Variants in NSMCE2 observed in about 807,000 individuals in gnomAD.
NSMCE2 encodes E3 SUMO-protein ligase NSE2.
Under a neutral mutation model 23.8 loss-of-function variants are expected in NSMCE2, and 24 were observed. That is an observed-to-expected ratio of 1.01 (90% CI 0.73 to 1.42). The LOEUF (loss-of-function observed/expected upper bound fraction) is 1.42. Ranked by LOEUF, NSMCE2 falls within the 40% of genes most tolerant of loss-of-function variation. NSMCE2 has a pLI of 0.00. For synonymous variants in NSMCE2, 92 were observed against 94.1 expected (o/e 0.98, Z 0.13); for missense variants, 284 against 296.5 (o/e 0.96, Z 0.31).
At chr8:125,257,459 T>G (rs1826483710) in intron 5 of NSMCE2, among the ~76,000 whole-genome samples, 1 of 150,216 alleles carries the variant, frequency 6.7e-6, no homozygotes, top group Admixed American at 6.7e-5. Context: ...GTCAGTCCAG[T>G]AAGATAAGGA....
At chr8:125,318,063 C>T (rs1015196290) in intron 5 of NSMCE2, among the ~76,000 whole-genome samples, 2 of 152,064 alleles carry the variant, frequency 1.3e-5, no homozygotes, top group African/African-American at 4.8e-5. Context: ...TCAGAAAAAG[C>T]AGTACCAATC....
chr8:125,336,648 A>C lies in NSMCE2; in HGVS notation c.419-20571A>C, dbSNP rs1358834089. 3.3e-5 allele frequency among the ~76,000 whole-genome samples: 5 copies of C among 152,380 alleles called. No individual in the cohort carries two copies. In the East Asian group the frequency reaches 5.8e-4, roughly 18 times the overall value. ...AGGAAATTCACATGGTTGGGTTCAC[A>C]GTTTCATCTGCCATGTGTGGCATTT... On this transcript the variant is annotated intron_variant, in intron 5 of 7. Transcript: ENST00000287437.
intron 5 of NSMCE2, among the ~76,000 whole-genome samples, chr8:125,223,571 G>A (rs1487466639): frequency 6.6e-6 from 1 of 152,120 alleles, no homozygotes; most frequent in African/African-American, 2.4e-5. Context: ...CATAATAGCT[G>A]TAGTAATTTA....
chr8:125,358,846 G>T (rs1328441976), intron 7 of NSMCE2, among the ~76,000 whole-genome samples: 1 of 152,168 alleles, frequency 6.6e-6, no homozygotes, highest in Admixed American at 6.5e-5. Context: ...TATCTTGATG[G>T]TCATTCAGGC....
chr8:125,196,549 G>A (rs76198296), intron 5 of NSMCE2, among the ~76,000 whole-genome samples: 1 of 152,160 alleles, frequency 6.6e-6, no homozygotes, highest in African/African-American at 2.4e-5. Flanking sequence ...TTTTATGGCT[G>A]CATAGTATTC....
chr8:125,232,506 A>G (rs78473263), intron 5 of NSMCE2, among the ~76,000 whole-genome samples: 3,284 of 152,324 alleles, frequency 0.022, 126 homozygotes, highest in African/African-American at 0.075. Context: ...TAAAGGTGAC[A>G]CATTTATTAC....
chr8:125,207,820 G>A (rs1824173760), intron 5 of NSMCE2, among the ~76,000 whole-genome samples: 1 of 152,192 alleles, frequency 6.6e-6, no homozygotes, highest in African/African-American at 2.4e-5. Context: ...TGTGGTTGCA[G>A]CCTCCAGCAG....
intron 7 of NSMCE2, among the ~76,000 whole-genome samples, chr8:125,363,580 G>A (rs1399249215): frequency 4.3e-5 from 6 of 138,402 alleles, no homozygotes; most frequent in African/African-American, 1.3e-4. Context: ...GGGGGAGGAG[G>A]GAGGGAGGGA....
At chr8:125,141,477 A>C (rs1003299360) in intron 3 of NSMCE2, among the ~76,000 whole-genome samples, 1 of 152,206 alleles carries the variant, frequency 6.6e-6, no homozygotes, top group African/African-American at 2.4e-5. Context: ...CATCTGGGGC[A>C]AATGATTTAG....
rs534696643 is a variant in NSMCE2 at position 125,226,076 on chromosome 8, G to A, written c.418+43820G>A. 3.3e-5 allele frequency among the ~76,000 whole-genome samples: 5 copies of A among 152,194 alleles called. No individual in the cohort carries two copies. In the South Asian group the frequency reaches 1.0e-3, roughly 32 times the overall value. ...AACCTTTATGTCTGTTTGCAAAAAA[G>A]AATACATACAATTTTCTTCACAAAA... On this transcript the variant is annotated intron_variant, in intron 5 of 7. Coordinates refer to ENST00000287437, the MANE Select transcript of NSMCE2 (RefSeq NM_173685.4).
chr8:125,186,925 T>C (rs1195377469), intron 5 of NSMCE2, among the ~76,000 whole-genome samples: 3 of 152,252 alleles, frequency 2.0e-5, no homozygotes, highest in African/African-American at 7.2e-5. Flanking sequence ...TTATGTCTTA[T>C]AGATATTACT....
intron 5 of NSMCE2, among the ~76,000 whole-genome samples, chr8:125,332,457 C>T (rs570336611): frequency 1.2e-4 from 18 of 152,266 alleles, no homozygotes; most frequent in Non-Finnish European, 2.2e-4. Flanking sequence ...TAATATAGTA[C>T]TCGCATCAGA....
At chr8:125,094,983 C>T (rs917913451) in intron 1 of NSMCE2, among the ~76,000 whole-genome samples, 2 of 152,204 alleles carry the variant, frequency 1.3e-5, no homozygotes, top group Non-Finnish European at 2.9e-5. Flanking sequence ...TCCTGAGGAG[C>T]TGGGGCTGCA....
At chr8:125,092,713 T>C (rs1817727109) in intron 1 of NSMCE2, among the ~76,000 whole-genome samples, 1 of 152,178 alleles carries the variant, frequency 6.6e-6, no homozygotes, top group African/African-American at 2.4e-5. Context: ...TGTCTATAAA[T>C]AACATGCAGA....
chr8:125,245,947 C>G (rs985591722), intron 5 of NSMCE2, among the ~76,000 whole-genome samples: 1 of 151,900 alleles, frequency 6.6e-6, no homozygotes, highest in Non-Finnish European at 1.5e-5. Context: ...TGGCTTGAAC[C>G]CAGGAGGCAG....
rs985763159 is a variant in NSMCE2, at chr8:125,102,127, A to G, written c.-34A>G. The G allele has an allele frequency of 5.6e-6, 3 of 532,160 alleles. No homozygotes were observed. Among genetic ancestry groups the G allele is most frequent in the Non-Finnish European group, 1.0e-5 (3 of 295,636 alleles). The allele number at this position is 532,160 out of a possible 1,614,324, so 33.0% of individuals were successfully genotyped here. A position where few individuals can be genotyped will look rare whatever the true frequency, so the allele number is the denominator to read the frequency against. ...CTTACCTTCCCCATATATTGAGTCC[A>G]GCTGTGTTTGGTGGCCCAGGTGAGT... On this transcript the variant is annotated 5_prime_UTR_variant, in exon 2 of 8. Transcript: ENST00000287437.
intron 5 of NSMCE2, among the ~76,000 whole-genome samples, chr8:125,284,156 G>GA (rs796903052): frequency 0.058 from 5,375 of 92,460 alleles, 323 homozygotes; most frequent in African/African-American, 0.18. Context: ...TCCGGAAAAA[G>GA]AAAAAAAAAA....
rs1586673476 is a variant in NSMCE2, at chr8:125,252,515, G to T, written c.418+70259G>T. On this transcript the variant is annotated intron_variant, in intron 5 of 7. Coordinates refer to ENST00000287437, the MANE Select transcript of NSMCE2 (RefSeq NM_173685.4). Reference sequence around the variant, plus strand: ...CACTCCAGCCTGGGCGACAGAGCGAGACTCTGTCTCAAAAAAAAGAGAAAA... The same window carrying T: ...CACTCCAGCCTGGGCGACAGAGCGATACTCTGTCTCAAAAAAAAGAGAAAA... Among the ~76,000 whole-genome samples, 5 of 152,238 alleles carry T rather than the reference G, an allele frequency of 3.3e-5. 2 individuals are homozygous for T. The highest frequency in any genetic ancestry group is 3.3e-4 in the Admixed American group (5 of 15,294).
intron 5 of NSMCE2, among the ~76,000 whole-genome samples, chr8:125,278,859 C>T (rs951590735): frequency 2.0e-5 from 3 of 151,936 alleles, no homozygotes; most frequent in African/African-American, 2.4e-5. Context: ...AATTTTATAT[C>T]TAAGATTATC....
Sources: gnomAD v4.1 joint callset for allele counts (sites outside exome capture counted in the v4.1 genomes callset) on GRCh38, gnomAD v4.1.1 for gene constraint, MANE v1.5 for transcripts, NCBI Gene and HGNC (gene_info 2026-07-23, HGNC 2026-07-21) for gene names.